CDH23: variants seen among roughly 807,000 people sequenced by gnomAD.
CDH23 encodes the protein cadherin-23.
A neutral mutation model predicts 317.1 loss-of-function variants in CDH23; 189 were observed. The ratio of observed to expected loss-of-function variants is 0.60; its 90% CI spans 0.53 to 0.67. The LOEUF is 0.67. CDH23 is among the 30% of genes least tolerant of loss of function. The pLI is 0.00. For missense variants in CDH23, 4,401 were observed against 4,592.4 expected, an observed-to-expected ratio of 0.96 and a Z score of 1.20; for synonymous variants, 1,839 against 1,876.8, an observed-to-expected ratio of 0.98 and a Z score of 0.52.
intron 6 of CDH23, among the ~76,000 whole-genome samples, chr10:71,533,944 C>T (rs1345405673): frequency 6.6e-6 from 1 of 150,732 alleles, no homozygotes; most frequent in South Asian, 2.1e-4. Flanking sequence ...AAAACCAGCA[C>T]CTTTGAAGCT....
At chr10:71,438,920 G>A (rs999852054) in intron 1 of CDH23, among the ~76,000 whole-genome samples, 1 of 152,206 alleles carries the variant, frequency 6.6e-6, no homozygotes, top group South Asian at 2.1e-4. Flanking sequence ...TTCTGTAGGA[G>A]GTTAGGATTC....
chr10:71,735,073 G>C (rs1839521576), intron 34 of CDH23, among the ~76,000 whole-genome samples: 2 of 152,246 alleles, frequency 1.3e-5, no homozygotes, highest in Non-Finnish European at 2.9e-5. Context: ...GATGGAAGCA[G>C]CAAGAGATTG....
chr10:71,679,589 G>A, intron 17 of CDH23, 97 bp downstream of exon 17: 1 of 973,262 alleles, frequency 1.0e-6, no homozygotes, highest in Non-Finnish European at 1.6e-6. Flanking sequence ...GGCACTCCTT[G>A]TCTCCCTGAC....
Position 71,686,269 on chromosome 10 carries a change from T to C in CDH23, c.1987-1378T>C, listed in dbSNP as rs115907232. On this transcript the variant is annotated intron_variant, in intron 18 of 69. Coordinates refer to ENST00000224721, the MANE Select transcript of CDH23 (RefSeq NM_022124.6). Reference sequence around the variant, plus strand: ...TCGTGCAGCCAAGCAGAAGCTTAAATGTATAAGTATATGGGGCGCTCGCAC... The same window carrying C: ...TCGTGCAGCCAAGCAGAAGCTTAAACGTATAAGTATATGGGGCGCTCGCAC... Among the ~76,000 whole-genome samples the C allele has an allele frequency of 5.8e-3, 889 of 151,996 alleles. 10 individuals carry two copies. The highest frequency in any genetic ancestry group is 0.021 in the African/African-American group (852 of 41,452).
chr10:71,596,590 CA>C (rs747310036), intron 9 of CDH23, among the ~76,000 whole-genome samples: 1 of 152,198 alleles, frequency 6.6e-6, no homozygotes, highest in Non-Finnish European at 1.5e-5. Context: ...GTCCACTGTA[CA>C]CAGACCCTTC....
In CDH23 at chr10:71,403,382, T is replaced by C. The variant is rs1297961399; in HGVS notation, c.-6+6064T>C. ...TTCTTTCTTTCTTTCTTTCTTTCTTTCTTTCTTTCTTTCTTTCTTTCTTTC... is the reference window on the plus strand; with the variant it reads ...TTCTTTCTTTCTTTCTTTCTTTCTTCCTTTCTTTCTTTCTTTCTTTCTTTC... On this transcript the variant is annotated intron_variant, in intron 1 of 69. Coordinates refer to ENST00000224721, the MANE Select transcript of CDH23 (RefSeq NM_022124.6). 6.1e-3 allele frequency among the ~76,000 whole-genome samples: 717 copies of C among 117,644 alleles called. 34 individuals are homozygous for C. Among genetic ancestry groups the C allele is most frequent in the Middle Eastern group, 0.02 (5 of 252 alleles). The allele number at this position is 117,644 out of a possible 152,430, so 77.2% of individuals were successfully genotyped here.
rs544860583 is a variant in CDH23, at chr10:71,458,849, G to A, written c.145+12454G>A. ...GTTTCCTGGGCTGGAGTGCAGTGGC[G>A]CGATCTCGGCTCACTGCAAGCTCCA... On this transcript the variant is annotated intron_variant, in intron 3 of 69. Transcript: ENST00000224721. Among the ~76,000 whole-genome samples, 28 of 152,212 alleles carry A rather than the reference G, an allele frequency of 1.8e-4. 1 individual carries two copies. In the East Asian group the frequency reaches 4.4e-3, roughly 24 times the overall value.
intron 11 of CDH23, among the ~76,000 whole-genome samples, chr10:71,640,757 AAAAAAG>A (rs1041531918): frequency 5.3e-5 from 8 of 152,178 alleles, no homozygotes; most frequent in Non-Finnish European, 8.8e-5. Flanking sequence ...CTGTCTGAAA[AAAAAAG>A]AAAAAGAAAA....
chr10:71,734,525 C>T, intron 33 of CDH23, 131 bp from the exon 34 acceptor site: 1 of 1,601,214 alleles, frequency 6.2e-7, no homozygotes, highest in Non-Finnish European at 8.5e-7. Context: ...TAGGATGAGA[C>T]CTCAGGCAGG....
intron 9 of CDH23, among the ~76,000 whole-genome samples, chr10:71,580,441 T>C (rs1858542971): frequency 6.6e-6 from 1 of 152,244 alleles, no homozygotes; most frequent in Non-Finnish European, 1.5e-5. Flanking sequence ...CATAGCTTTA[T>C]AGGATTCCCA....
chr10:71,791,253 C>G lies in CDH23; in HGVS notation c.6171C>G (p.Ile2057Met), dbSNP rs1004888492. Residue 2057 changes from isoleucine (I) to methionine (M), a missense_variant, in exon 47 of 70, where the codon ATC becomes ATG. By Grantham distance (10) the Ile-to-Met change is conservative. This residue lies in a region of CDH23 where 3,068 missense variants were observed against 3,203.3 expected (regional missense o/e 0.96). Coordinates refer to ENST00000224721, the MANE Select transcript of CDH23 (RefSeq NM_022124.6). ...TCAACAGCACGGCCCACCTGCTCAT[C>G]ACCATCCTGGATGACAATGACAACC... ...GLLNSTAHLL[I>M]TILDDNDNRP... 2.5e-6 allele frequency: 4 copies of G among 1,613,978 alleles called. No individual in the cohort carries two copies. The highest frequency in any genetic ancestry group is 3.4e-6 in the Non-Finnish European group (4 of 1,179,876).
At chr10:71,750,126 C>A (rs909043467) in intron 38 of CDH23, 1 of 152,230 alleles carries the variant, frequency 6.6e-6, no homozygotes, top group African/African-American at 2.4e-5. Flanking sequence ...ACTCACCTTG[C>A]CTATGTGTAT....
chr10:71,617,205 G>A lies in CDH23; in HGVS notation c.946G>A (p.Gly316Ser). The A allele has an allele frequency of 6.2e-7, 1 of 1,611,722 alleles. No homozygotes were observed. Among genetic ancestry groups the A allele is most frequent in the Non-Finnish European group, 8.5e-7 (1 of 1,177,994 alleles). ...YSHGFILTVK[G>S]TELNDDRTPS... ...CGGGGTGACTGATCTCTGTCCATAG[G>A]GCACGGAGCTGAACGATGACCGCAC... Residue 316 changes from glycine (G) to serine (S), a missense_variant and splice_region_variant, in exon 11 of 70, where the codon GGC becomes AGC. Coordinates refer to ENST00000224721, the MANE Select transcript of CDH23 (RefSeq NM_022124.6).
intron 34 of CDH23, among the ~76,000 whole-genome samples, chr10:71,735,328 C>T (rs1413064864): frequency 6.6e-6 from 1 of 152,142 alleles, no homozygotes; most frequent in Admixed American, 6.5e-5. Flanking sequence ...ATGTGCTGGG[C>T]CCCTGGGGGA....
Position 71,800,688 on chromosome 10 carries a change from T to C in CDH23, c.7415T>C (p.Ile2472Thr). 2 of 1,614,016 alleles carry C rather than the reference T, an allele frequency of 1.2e-6. No individual in the cohort carries two copies. Among genetic ancestry groups the C allele is most frequent in the Non-Finnish European group, 8.5e-7 (1 of 1,179,896 alleles). ...SLDREKKDHY[I>T]LTALAKDNPG... ...GACCGGGAGAAGAAGGACCACTATA[T>C]CCTGACTGCCTTGGCCAAAGACAAC... The change falls in exon 53 of 70, where the codon ATC (isoleucine) becomes ACC (threonine). Residue 2472 changes from isoleucine (I) to threonine (T), a missense_variant. Around this residue, in one of 3 missense-constraint regions of CDH23, gnomAD observed 189 missense variants for 250.9 expected, o/e 0.75. Coordinates refer to ENST00000224721, the MANE Select transcript of CDH23 (RefSeq NM_022124.6).
chr10:71,664,343 G>A (rs1022730336), intron 14 of CDH23, among the ~76,000 whole-genome samples: 6 of 152,218 alleles, frequency 3.9e-5, no homozygotes, highest in African/African-American at 1.4e-4. Context: ...AGAAGGTTTC[G>A]GAGCCCAAGA....
chr10:71,403,347 C>T (rs1269228645), intron 1 of CDH23, among the ~76,000 whole-genome samples: 1 of 75,674 alleles, frequency 1.3e-5, no homozygotes, highest in Admixed American at 1.3e-4. Context: ...TTCTTTCTTT[C>T]TTTCTTTCTT....
At chr10:71,808,570 C>A (rs1221813185) in intron 60 of CDH23, among the ~76,000 whole-genome samples, 1 of 152,224 alleles carries the variant, frequency 6.6e-6, no homozygotes, top group Non-Finnish European at 1.5e-5. Flanking sequence ...TGTGCACTGA[C>A]CTGTGTGGAT....
At chr10:71,639,042 T>A (rs1162159567) in intron 11 of CDH23, among the ~76,000 whole-genome samples, 1 of 152,160 alleles carries the variant, frequency 6.6e-6, no homozygotes, top group Admixed American at 6.5e-5. Context: ...GGATTTCATG[T>A]GTCCTTCCCC....
Sources: allele counts gnomAD v4.1 joint callset (sites outside exome capture counted in the v4.1 genomes callset), GRCh38; gene constraint gnomAD v4.1.1; regional missense constraint gnomAD v4.1.1; transcripts MANE v1.5; gene names NCBI Gene and HGNC (gene_info 2026-07-23, HGNC 2026-07-21).